The following INO80D variants were observed in gnomAD, a reference collection of about 807,000 sequenced individuals.
INO80D encodes the protein INO80 complex subunit D.
In INO80D, 21 loss-of-function variants were observed where a neutral mutation model predicts 87.6. The ratio of observed to expected loss-of-function variants is 0.24; its 90% CI spans 0.17 to 0.35. INO80D has a LOEUF of 0.35. INO80D is among the 10% of genes least tolerant of loss of function. The pLI, the probability that INO80D is intolerant of heterozygous loss-of-function variation, is 1.00. For missense variants in INO80D, 982 were observed against 1,280.7 expected, an observed-to-expected ratio of 0.77 and a Z score of 3.56; for synonymous variants, 440 against 491.0, an observed-to-expected ratio of 0.90 and a Z score of 1.37.
chr2:206,010,087 G>GCA (rs1400381663), intron 8 of INO80D, among the ~76,000 whole-genome samples: 11 of 96,090 alleles, frequency 1.1e-4, no homozygotes, highest in Admixed American at 2.2e-4. Flanking sequence ...ACACACACAC[G>GCA]CACACACACG....
At chr2:206,066,242 C>T (rs1034140766) in intron 1 of INO80D, among the ~76,000 whole-genome samples, 11 of 150,804 alleles carry the variant, frequency 7.3e-5, no homozygotes, top group East Asian at 2.0e-4. Context: ...TGTGATGGAG[C>T]GAGACGATGT....
In INO80D at chr2:206,085,016, G is replaced by T. The variant is rs1177147808; in HGVS notation, c.-124+885C>A. ...AATGGGCTCGCGGGGAGTTGGGTGG[G>T]GCGCGGGCGAGGGGTGCAGGGGCGG... On this transcript the variant is annotated intron_variant, in intron 1 of 10. Transcript: ENST00000403263. The surrounding 1 kb of genome is among the most constrained non-coding windows in gnomAD (Gnocchi z 4.5). Among the ~76,000 whole-genome samples the T allele has an allele frequency of 6.6e-6, 1 of 152,108 alleles. No individual in the cohort carries two copies.
intron 1 of INO80D, among the ~76,000 whole-genome samples, chr2:206,064,261 G>A (rs903809213): frequency 2.0e-5 from 3 of 152,092 alleles, no homozygotes; most frequent in Non-Finnish European, 4.4e-5. Flanking sequence ...CAATCTACAC[G>A]CAAAAGGCCC....
At chr2:206,019,991 T>TA in intron 6 of INO80D, 146 bp from the exon 7 acceptor site, 1 of 537,962 alleles carries the variant, frequency 1.9e-6, no homozygotes, top group Admixed American at 3.3e-5. Flanking sequence ...AAATGTGATT[T>TA]AAAGAAAGAC....
At chr2:206,050,258 C>T (rs1455889903) in intron 4 of INO80D, among the ~76,000 whole-genome samples, 1 of 151,298 alleles carries the variant, frequency 6.6e-6, no homozygotes, top group Admixed American at 6.6e-5. Context: ...TTTGGGAAGC[C>T]GAGGCGGGCA....
At chr2:206,071,086 G>A (rs1446972893) in intron 1 of INO80D, among the ~76,000 whole-genome samples, 1 of 151,636 alleles carries the variant, frequency 6.6e-6, no homozygotes, top group South Asian at 2.1e-4. Context: ...AGCCTCCTGA[G>A]TAGCGGGGAT....
chr2:206,018,075 T>G (rs963013831), intron 7 of INO80D, among the ~76,000 whole-genome samples: 6 of 152,236 alleles, frequency 3.9e-5, no homozygotes, highest in African/African-American at 7.2e-5. Flanking sequence ...ATTGTGTTAT[T>G]TGGAAAAGCA....
At position 205,997,170 on chromosome 2, in the gene INO80D, C is replaced by T. The variant is rs1687823663; in HGVS notation, c.*7198G>A. ...ATACCAACTCTACTTTTGACTATTTCAGACCACCAGATACTCCAGTAATAA... is the reference window on the plus strand; with the variant it reads ...ATACCAACTCTACTTTTGACTATTTTAGACCACCAGATACTCCAGTAATAA... On this transcript the variant is annotated 3_prime_UTR_variant, in exon 11 of 11. Coordinates refer to ENST00000403263, the MANE Select transcript of INO80D (RefSeq NM_017759.5). The T allele has an allele frequency of 6.6e-6, 1 of 151,948 alleles. No individual in the cohort carries two copies. The highest frequency in any genetic ancestry group is 1.5e-5 in the Non-Finnish European group (1 of 67,936). The allele number at this position is 151,948 out of a possible 1,614,324, so 9.4% of individuals were successfully genotyped here. A position where few individuals can be genotyped will look rare whatever the true frequency, so the allele number is the denominator to read the frequency against.
intron 5 of INO80D, among the ~76,000 whole-genome samples, chr2:206,031,908 A>T (rs766274802): frequency 6.6e-6 from 1 of 152,240 alleles, no homozygotes; most frequent in Admixed American, 6.5e-5. Context: ...CGTTTCGAAC[A>T]CACACCGCTG....
intron 1 of INO80D, among the ~76,000 whole-genome samples, chr2:206,069,910 A>C (rs747678116): frequency 3.3e-5 from 5 of 152,156 alleles, no homozygotes; most frequent in Non-Finnish European, 7.3e-5. Context: ...TTTACAACAC[A>C]GTCTCCTCTC....
intron 3 of INO80D, among the ~76,000 whole-genome samples, chr2:206,058,408 G>A (rs1689588085): frequency 7.8e-6 from 1 of 128,362 alleles, no homozygotes; most frequent in Non-Finnish European, 1.6e-5. Flanking sequence ...GAGAGTGCCA[G>A]ACTCTGTCTC....
intron 8 of INO80D, among the ~76,000 whole-genome samples, chr2:206,010,818 C>T (rs191288441): frequency 2.0e-5 from 3 of 152,284 alleles, no homozygotes; most frequent in Admixed American, 2.0e-4. Context: ...GTGGCTCACA[C>T]CTGTAATCCC....
At chr2:206,039,428 T>A (rs946899378) in intron 5 of INO80D, among the ~76,000 whole-genome samples, 3 of 151,632 alleles carry the variant, frequency 2.0e-5, no homozygotes, top group Non-Finnish European at 4.4e-5. Flanking sequence ...AAGAAACATA[T>A]AAACGATGTT....
intron 9 of INO80D, among the ~76,000 whole-genome samples, chr2:206,009,047 T>C (rs1286730185): frequency 6.6e-6 from 1 of 152,240 alleles, no homozygotes; most frequent in African/African-American, 2.4e-5. Context: ...TAGTGGTTCA[T>C]GCCTGTATTC....
At chr2:206,051,196 T>C (rs1275811783) in intron 4 of INO80D, among the ~76,000 whole-genome samples, 1 of 152,152 alleles carries the variant, frequency 6.6e-6, no homozygotes, top group East Asian at 1.9e-4. Context: ...ATTTTAACTT[T>C]TAAATTCCTA....
chr2:206,010,930 T>C (rs1688157602), intron 8 of INO80D, among the ~76,000 whole-genome samples: 2 of 151,870 alleles, frequency 1.3e-5, no homozygotes. Flanking sequence ...ATACAAAAAT[T>C]AGCCAGGCCT....
rs765554392 is a variant in INO80D at position 206,005,145 on chromosome 2, CAG to C, written c.2305_2306del (p.Leu769AspfsTer20). On this transcript the variant is annotated frameshift_variant, in exon 11 of 11. Coordinates refer to ENST00000403263, the MANE Select transcript of INO80D (RefSeq NM_017759.5). LOFTEE classifies it high-confidence loss of function. ...TCTCCCCAAGTGCACTCTGGCTGAT[CAG>C]AGTGGCAGAAGTAAGGCCAACGTTG... ...PANVGLTSAT[L>X]ISQSALGERA... The C allele has an allele frequency of 6.2e-7, 1 of 1,613,882 alleles. No homozygotes were observed. Among genetic ancestry groups the C allele is most frequent in the Non-Finnish European group, 8.5e-7 (1 of 1,179,896 alleles).
In INO80D at chr2:206,034,118, C is replaced by A. The variant is rs1559444646; in HGVS notation, c.1074-5783G>T. Among the ~76,000 whole-genome samples the A allele has an allele frequency of 2.6e-5, 4 of 152,056 alleles. No individual in the cohort carries two copies. In the South Asian group the frequency reaches 8.3e-4, roughly 31 times the overall value. ...GAAATGGTAATTTAAAAATTACCAACAAAAATCAGTCCAGGATCAGACTTA... is the reference window on the plus strand; with the variant it reads ...GAAATGGTAATTTAAAAATTACCAAAAAAAATCAGTCCAGGATCAGACTTA... On this transcript the variant is annotated intron_variant, in intron 5 of 10. Transcript: ENST00000403263.
chr2:206,007,396 G>C lies in INO80D; in HGVS notation c.1806C>G (p.Asp602Glu), dbSNP rs1427637386. Residue 602 changes from aspartate (D) to glutamate (E), a missense_variant, in exon 10 of 11, where the codon GAC becomes GAG. Asp to Glu is a conservative substitution (Grantham distance 45). Transcript: ENST00000403263. ...GAATGTCAGTGATCTCATTGGCAAT[G>C]TCATCCGGCAACTCATCAGCACTCA... The part of the protein sequence containing the change: ...PELSADELPD[D>E]IANEITDIPH... 1 of 1,613,716 alleles carries C rather than the reference G, an allele frequency of 6.2e-7. No homozygotes were observed. Among genetic ancestry groups the C allele is most frequent in the East Asian group, 2.2e-5 (1 of 44,844 alleles).
Sources: gnomAD v4.1 joint callset for allele counts (sites outside exome capture counted in the v4.1 genomes callset) on GRCh38, gnomAD v4.1.1 for gene constraint, Gnocchi (gnomAD v3.1) non-coding constraint, MANE v1.5 for transcripts, NCBI Gene and HGNC (gene_info 2026-07-23, HGNC 2026-07-21) for gene names.